Variants in EFHD1 observed in about 807,000 individuals in gnomAD.
EFHD1 encodes EF-hand domain-containing protein D1.
EFHD1 carries 10 observed loss-of-function variants against 17.2 expected under a neutral mutation model. The ratio of observed to expected loss-of-function variants is 0.58; its 90% CI spans 0.36 to 0.99. The LOEUF (loss-of-function observed/expected upper bound fraction) is 0.99, where lower values mean the gene tolerates loss of function less well. Among genes scored for constraint, EFHD1 ranks in the 50% least tolerant of loss-of-function variants. The pLI, the probability that EFHD1 is intolerant of heterozygous loss-of-function variation, is 0.01. For missense variants in EFHD1, 310 were observed against 327.5 expected (o/e 0.95, Z 0.41); for synonymous variants, 153 against 142.0 (o/e 1.08, Z -0.55).
intron 1 of EFHD1, chr2:232,650,208 A>C (rs1019528659): frequency 2.0e-5 from 3 of 151,792 alleles, no homozygotes; most frequent in African/African-American, 7.3e-5. Flanking sequence ...GGAAAAGGCC[A>C]CAAGTCCACA....
At chr2:232,677,207 T>TAC (rs61607311) in intron 3 of EFHD1, among the ~76,000 whole-genome samples, 14,234 of 131,146 alleles carry the variant, frequency 0.11, 1,298 homozygotes, top group African/African-American at 0.26. Context: ...ACCCCATCTC[T>TAC]ACACACACAC....
intron 1 of EFHD1, among the ~76,000 whole-genome samples, chr2:232,654,544 C>T (rs984469805): frequency 6.6e-5 from 10 of 151,212 alleles, no homozygotes; most frequent in Non-Finnish European, 1.0e-4. Context: ...CCTCAGCCTC[C>T]TGAGTAGCTG....
chr2:232,674,756 G>T (rs1056752829), intron 3 of EFHD1, among the ~76,000 whole-genome samples: 1 of 152,080 alleles, frequency 6.6e-6, no homozygotes, highest in African/African-American at 2.4e-5. Context: ...TAAAGGAGCC[G>T]CCATTTGTGA....
intron 1 of EFHD1, among the ~76,000 whole-genome samples, chr2:232,650,291 CTTT>C (rs869070386): frequency 6.3e-5 from 8 of 126,766 alleles, no homozygotes; most frequent in African/African-American, 2.1e-4. Flanking sequence ...TCTGGGTTGC[CTTT>C]TTTTTTTTTT....
At chr2:232,666,794 GC>G (rs1462602722) in intron 2 of EFHD1, among the ~76,000 whole-genome samples, 3 of 152,190 alleles carry the variant, frequency 2.0e-5, no homozygotes, top group African/African-American at 7.2e-5. Context: ...AGGACATGCT[GC>G]CACTCATACT....
At chr2:232,665,486 A>G (rs926501457) in intron 2 of EFHD1, among the ~76,000 whole-genome samples, 5 of 151,846 alleles carry the variant, frequency 3.3e-5, no homozygotes, top group African/African-American at 1.2e-4. Context: ...CAGTGGTGCA[A>G]TCTCGGCTCA....
upstream of EFHD1, chr2:232,633,570 ACCCT>A: frequency 7.7e-7 from 1 of 1,300,520 alleles, no homozygotes; most frequent in Non-Finnish European, 9.7e-7. Context: ...CCGTCCTCAG[ACCCT>A]CCCAACCGCC....
In EFHD1 at chr2:232,680,528, G is replaced by A. The variant is rs558011632; in HGVS notation, c.586-1057G>A. Among the ~76,000 whole-genome samples, 19 of 152,256 alleles carry A rather than the reference G, an allele frequency of 1.2e-4. No individual in the cohort carries two copies. The East Asian group carries it at 2.3e-3, about 19-fold the overall frequency. On this transcript the variant is annotated intron_variant, in intron 3 of 3. Transcript: ENST00000264059. ...AAAGGCATAATTGAATGAAAACTGAGGCATTCAGGGAAAACTGTATTTTTA... is the reference window on the plus strand; with the variant it reads ...AAAGGCATAATTGAATGAAAACTGAAGCATTCAGGGAAAACTGTATTTTTA...
At chr2:232,667,588 T>C (rs1694991900) in intron 2 of EFHD1, among the ~76,000 whole-genome samples, 1 of 152,114 alleles carries the variant, frequency 6.6e-6, no homozygotes, top group Non-Finnish European at 1.5e-5. Flanking sequence ...GTTTTGCTCT[T>C]GCTGCCCAGG....
intron 1 of EFHD1, chr2:232,606,693 T>C (rs1399526479): frequency 1.4e-5 from 2 of 144,516 alleles, no homozygotes; most frequent in African/African-American, 5.3e-5. Flanking sequence ...GAGACCATCC[T>C]GTGGATGGTG....
At chr2:232,640,700 A>T (rs916721528) in intron 1 of EFHD1, among the ~76,000 whole-genome samples, 1 of 152,050 alleles carries the variant, frequency 6.6e-6, no homozygotes, top group Non-Finnish European at 1.5e-5. Flanking sequence ...CCCACCACCC[A>T]CATACAGGAG....
chr2:232,607,786 T>A (rs902699417), intron 1 of EFHD1, among the ~76,000 whole-genome samples: 6 of 35,050 alleles, frequency 1.7e-4, no homozygotes, highest in South Asian at 5.3e-4. Flanking sequence ...AGGCTAAAAT[T>A]TTTTTTTTTT....
chr2:232,680,181 AGGAGGATC>A (rs1166519389), intron 3 of EFHD1, among the ~76,000 whole-genome samples: 1 of 152,120 alleles, frequency 6.6e-6, no homozygotes, highest in African/African-American at 2.4e-5. Flanking sequence ...AGGCTGAGGC[AGGAGGATC>A]GGTTGAGCCC....
At chr2:232,626,015 C>T (rs1361038673) in intron 1 of EFHD1, among the ~76,000 whole-genome samples, 1 of 151,706 alleles carries the variant, frequency 6.6e-6, no homozygotes, top group African/African-American at 2.4e-5. Flanking sequence ...CATGGCAAGA[C>T]CACGTCTCTA....
intron 1 of EFHD1, among the ~76,000 whole-genome samples, chr2:232,657,437 T>C (rs186582616): frequency 3.9e-4 from 59 of 152,346 alleles, no homozygotes; most frequent in African/African-American, 1.4e-3. Context: ...TGAAATTCCA[T>C]TGTTTGTATA....
chr2:232,622,534 A>AC (rs953054097), intron 1 of EFHD1, among the ~76,000 whole-genome samples: 25 of 151,968 alleles, frequency 1.6e-4, no homozygotes, highest in Middle Eastern at 6.8e-3. Context: ...ATTTATTTAG[A>AC]CCCCAGGTCT....
chr2:232,619,312 CTT>C (rs113872019), intron 1 of EFHD1, among the ~76,000 whole-genome samples: 9 of 38,086 alleles, frequency 2.4e-4, no homozygotes, highest in East Asian at 3.9e-4. Context: ...TTCTTTCTTT[CTT>C]TTTTTTTTTT....
At chr2:232,627,060 A>AT (rs781150752) in intron 1 of EFHD1, among the ~76,000 whole-genome samples, 93 of 117,690 alleles carry the variant, frequency 7.9e-4, no homozygotes, top group Non-Finnish European at 9.9e-4. Context: ...ATATATATAT[A>AT]TATATTTTTT....
chr2:232,639,419 T>G (rs1379832959), intron 1 of EFHD1, among the ~76,000 whole-genome samples: 1 of 151,930 alleles, frequency 6.6e-6, no homozygotes, highest in Non-Finnish European at 1.5e-5. Context: ...GGTCTTGAAC[T>G]CCTAGGCTCA....
Sources: allele counts gnomAD v4.1 joint callset (sites outside exome capture counted in the v4.1 genomes callset), GRCh38; gene constraint gnomAD v4.1.1; transcripts MANE v1.5; gene names NCBI Gene and HGNC (gene_info 2026-07-23, HGNC 2026-07-21).